C9orf43: variants seen among roughly 807,000 people sequenced by gnomAD.
C9orf43 encodes chromosome 9 open reading frame 43.
Under a neutral mutation model 59.1 loss-of-function variants are expected in C9orf43, and 45 were observed. The observed-to-expected ratio is 0.76, with a 90% CI of 0.60 to 0.98. The LOEUF (loss-of-function observed/expected upper bound fraction) is 0.98, where lower values mean the gene tolerates loss of function less well. Ranked by LOEUF, C9orf43 falls within the 50% of genes least tolerant of loss-of-function variation. The probability of loss-of-function intolerance (pLI) is 0.00; values close to 1 mark genes in which losing one functional copy is unlikely to be tolerated. For synonymous variants in C9orf43, 203 were observed against 196.8 expected (o/e 1.03, Z -0.26); for missense variants, 533 against 554.9 (o/e 0.96, Z 0.40).
intron 5 of C9orf43, among the ~76,000 whole-genome samples, chr9:113,421,621 CAAAAGAGTGTG>C (rs1828577277): frequency 6.6e-6 from 1 of 152,072 alleles, no homozygotes; most frequent in Non-Finnish European, 1.5e-5. Flanking sequence ...GACTTGTGTA[CAAAAGAGTGTG>C]ACAAAGACCA....
At position 113,428,816 on chromosome 9, in the gene C9orf43, C is replaced by T. The variant is rs966695254; in HGVS notation, c.1108-84C>T. ...TCTGGCTCATCTTAGATGTTAATTT[C>T]TCCAAGAGAAGCATCTTTTAGAAAA... On this transcript the variant is annotated intron_variant, in intron 12 of 13. Coordinates refer to ENST00000374165, the MANE Select transcript of C9orf43 (RefSeq NM_001278629.2). The T allele has an allele frequency of 4.9e-6, 6 of 1,218,844 alleles. No homozygotes were observed. The African/African-American group carries it at 8.9e-5, about 18-fold the overall frequency. 75.5% of individuals were successfully genotyped at this position (1,218,844 alleles called of 1,614,324 possible).
intron 9 of C9orf43, 38 bp downstream of exon 9, chr9:113,425,114 T>A: frequency 6.3e-7 from 1 of 1,591,676 alleles, no homozygotes; most frequent in Non-Finnish European, 8.6e-7. Context: ...TAAGCACCAT[T>A]TTCTGTTAGC....
rs1411128995 is a variant in C9orf43 at position 113,429,411 on chromosome 9, A to C, written c.*25A>C. 1 of 1,604,384 alleles carries C rather than the reference A, an allele frequency of 6.2e-7. No individual in the cohort carries two copies. The highest frequency in any genetic ancestry group is 2.2e-5 in the East Asian group (1 of 44,818). On this transcript the variant is annotated 3_prime_UTR_variant, in exon 14 of 14. Coordinates refer to ENST00000374165, the MANE Select transcript of C9orf43 (RefSeq NM_001278629.2). ...AGAAGCCTCTGGAGGAATAGACTGA[A>C]GGCATCCCCTGGGGCAGCCGTGTTC... is the stretch of plus-strand genomic sequence containing the variant.
intron 1 of C9orf43, 99 bp from the exon 2 acceptor site, chr9:113,413,346 G>T: frequency 9.0e-7 from 1 of 1,113,062 alleles, no homozygotes; most frequent in Non-Finnish European, 1.2e-6. Context: ...TACCTATATA[G>T]GTTCAATAGA....
In C9orf43 at chr9:113,425,179, C is replaced by T. The variant is rs1392121548; in HGVS notation, c.865+103C>T. 12 of 1,434,820 alleles carry T rather than the reference C, an allele frequency of 8.4e-6. No homozygotes were observed. In the Admixed American group the frequency reaches 8.5e-5, roughly 10 times the overall value. 88.9% of individuals were successfully genotyped at this position (1,434,820 alleles called of 1,614,324 possible). On this transcript the variant is annotated intron_variant, in intron 9 of 13. Transcript: ENST00000374165. ...ATTCAGTTATATTTGTGGCCACAGT[C>T]ATACAGGGTCACATGTAGAACTCAG...
intron 5 of C9orf43, among the ~76,000 whole-genome samples, chr9:113,422,201 CAG>C (rs1345334454): frequency 6.6e-6 from 1 of 152,188 alleles, no homozygotes; most frequent in Non-Finnish European, 1.5e-5. Context: ...GGAGCCTTGT[CAG>C]GGGGAGTCAG....
chr9:113,421,266 C>A, intron 5 of C9orf43, 63 bp downstream of exon 5: 3 of 1,253,594 alleles, frequency 2.4e-6, no homozygotes, highest in Non-Finnish European at 3.5e-6. Context: ...TCTTCTGCAG[C>A]GTCCTTTTTG....
chr9:113,422,422 T>G, intron 5 of C9orf43, 127 bp from the exon 6 acceptor site: 1 of 1,321,526 alleles, frequency 7.6e-7, no homozygotes, highest in South Asian at 1.4e-5. Context: ...TAGGAATCTT[T>G]GTGGTCATCA....
intron 4 of C9orf43, chr9:113,420,708 G>A: frequency 1.0e-6 from 1 of 962,574 alleles, no homozygotes; most frequent in Non-Finnish European, 1.2e-6. Flanking sequence ...CCTTGCTTCT[G>A]TTTCTATCAG....
chr9:113,428,869 T>A, intron 12 of C9orf43, 31 bp from the exon 13 acceptor site: 1 of 1,584,738 alleles, frequency 6.3e-7, no homozygotes, highest in South Asian at 1.1e-5. Flanking sequence ...AAGTCTTGAT[T>A]CAAATTTCCT....
intron 1 of C9orf43, among the ~76,000 whole-genome samples, chr9:113,411,515 G>A (rs1303373304): frequency 6.6e-6 from 1 of 151,974 alleles, no homozygotes; most frequent in Non-Finnish European, 1.5e-5. Flanking sequence ...TAGCCAAGAT[G>A]GTCTCGATCT....
At position 113,423,345 on chromosome 9, in the gene C9orf43, G is replaced by C. The variant is rs1166121235; in HGVS notation, c.503G>C (p.Gly168Ala). 21 of 1,613,842 alleles carry C rather than the reference G, an allele frequency of 1.3e-5. No individual in the cohort carries two copies. Among genetic ancestry groups the C allele is most frequent in the Non-Finnish European group, 1.8e-5 (21 of 1,179,820 alleles). The change falls in exon 7 of 14, where the codon GGT (glycine) becomes GCT (alanine). Residue 168 changes from glycine to alanine, a missense_variant. Coordinates refer to ENST00000374165, the MANE Select transcript of C9orf43 (RefSeq NM_001278629.2). ...NSAVKSKSFL[G>A]LSGNQSAGTR... is the part of the protein sequence containing the mutation. ...TTCCAGAAAAGCAAGTCATTTCTGG[G>C]TCTCTCTGGAAATCAGTCCGCAGGA...
In C9orf43 at chr9:113,413,857, T is replaced by C. The variant is rs1226659295; in HGVS notation, c.250T>C (p.Ser84Pro). Residue 84 changes from serine to proline, a missense_variant, in exon 3 of 14, where the codon TCT becomes CCT. By Grantham distance (74) the Ser-to-Pro change is moderately conservative. Coordinates refer to ENST00000374165, the MANE Select transcript of C9orf43 (RefSeq NM_001278629.2). ...CTFTKAHSLLSQSSKFYSKFH... is the reference protein window; with the variant it reads ...CTFTKAHSLLPQSSKFYSKFH... ...CTTTACTAAGGCCCATTCTTTATTG[T>C]CTCAGAGTTCAAAGTTTTACTCCAA... The C allele has an allele frequency of 1.2e-6, 2 of 1,612,820 alleles. No homozygotes were observed. Among genetic ancestry groups the C allele is most frequent in the Non-Finnish European group, 1.7e-6 (2 of 1,179,666 alleles).
intron 11 of C9orf43, among the ~76,000 whole-genome samples, chr9:113,426,021 G>C (rs1422925943): frequency 6.6e-6 from 1 of 152,220 alleles, no homozygotes; most frequent in Non-Finnish European, 1.5e-5. Context: ...AAAAGGCAGA[G>C]CACTTTGAGG....
chr9:113,423,701 C>T (rs1588111468), intron 7 of C9orf43, among the ~76,000 whole-genome samples: 2 of 152,182 alleles, frequency 1.3e-5, no homozygotes, highest in East Asian at 3.8e-4. Flanking sequence ...TTGCCTGGCC[C>T]TGTGCTAGGC....
chr9:113,422,888 A>C (rs1828637883), intron 6 of C9orf43, among the ~76,000 whole-genome samples: 1 of 152,126 alleles, frequency 6.6e-6, no homozygotes, highest in Admixed American at 6.5e-5. Context: ...ATAGAATTTC[A>C]ATGGACTAGG....
rs1219233271 is a variant in C9orf43 at position 113,425,708 on chromosome 9, C to T, written c.1008C>T (p.Thr336=). ...GCACTTCACATAAACATCCAGTTACCACCGTTCATGACCGTCTCTATGGTA... is the reference window on the plus strand; with the variant it reads ...GCACTTCACATAAACATCCAGTTACTACCGTTCATGACCGTCTCTATGGTA... The part of the protein sequence containing the change: ...IQSTSHKHPV[T]TVHDRLYGYR... Residue 336 remains threonine, a synonymous_variant, in exon 11 of 14, where the codon ACC becomes ACT. Transcript: ENST00000374165. 6.2e-7 allele frequency: 1 copy of T among 1,613,718 alleles called. No individual in the cohort carries two copies. The highest frequency in any genetic ancestry group is 1.3e-5 in the African/African-American group (1 of 74,888).
At chr9:113,422,694 C>A in intron 6 of C9orf43, 109 bp downstream of exon 6, 2 of 1,267,390 alleles carry the variant, frequency 1.6e-6, no homozygotes, top group Non-Finnish European at 1.1e-6. Context: ...TGAAATGATC[C>A]AAATCTGCTA....
chr9:113,425,299 G>C (rs1278984771), intron 9 of C9orf43, 45 bp from the exon 10 acceptor site: 2 of 1,611,052 alleles, frequency 1.2e-6, no homozygotes, highest in Non-Finnish European at 1.7e-6. Context: ...CAGTGGGAGA[G>C]AGGGGGCTGT....
Sources: gnomAD v4.1 joint callset for allele counts (sites outside exome capture counted in the v4.1 genomes callset) on GRCh38, gnomAD v4.1.1 for gene constraint, MANE v1.5 for transcripts, NCBI Gene and HGNC (gene_info 2026-07-23, HGNC 2026-07-21) for gene names.